KDM6B: variants seen among roughly 807,000 people sequenced by gnomAD.
The protein encoded by KDM6B is lysine-specific demethylase 6B.
In KDM6B, 22 loss-of-function variants were observed where a neutral mutation model predicts 150.4. The observed-to-expected ratio is 0.15, with a 90% confidence interval of 0.10 to 0.21. The LOEUF is 0.21. Ranked by LOEUF, KDM6B falls within the 10% of genes least tolerant of loss-of-function variation. The pLI is 1.00. For missense variants in KDM6B, 1,984 were observed against 2,234.3 expected (o/e 0.89, Z 2.26); for synonymous variants, 1,148 against 921.1 (o/e 1.25, Z -4.46).
chr17:7,836,707 G>A (rs1188535874), intron 1 of KDM6B, among the ~76,000 whole-genome samples: 1 of 152,252 alleles, frequency 6.6e-6, no homozygotes, highest in Non-Finnish European at 1.5e-5. Flanking sequence ...GTCGTATTAG[G>A]GGTAAAAGAG....
rs576964494 is a variant in KDM6B, at chr17:7,847,574, C to T, written c.1286C>T (p.Ala429Val). ...IPGADHYQTP[A>V]LEVSHHGRLG... Reference sequence around the variant, plus strand: ...GGCGCTGACCATTACCAAACTCCCGCGCTGGAGGTCTCTCACCATGGCCGC... The same window carrying T: ...GGCGCTGACCATTACCAAACTCCCGTGCTGGAGGTCTCTCACCATGGCCGC... The change falls in exon 12 of 24, where the codon GCG (alanine) becomes GTG (valine). Residue 429 changes from alanine (A) to valine (V), a missense_variant. By Grantham distance (64) the Ala-to-Val change is moderately conservative (BLOSUM62 0). Transcript: ENST00000448097. 35 of 1,613,374 alleles carry T rather than the reference C, an allele frequency of 2.2e-5. No homozygotes were observed. The highest frequency in any genetic ancestry group is 6.7e-5 in the Admixed American group (4 of 60,004).
rs1003929879 is a variant in KDM6B, at chr17:7,848,804, C to T, written c.2516C>T (p.Pro839Leu). 1.9e-6 allele frequency: 3 copies of T among 1,612,690 alleles called. No homozygotes were observed. In the African/African-American group the frequency reaches 4.0e-5, roughly 22 times the overall value. ...CCCTTGCCCACCACTCAGTATTCCC[C>T]TGGCCCCCCATCAGGTGCTACCGCC... ...PGPLPTTQYS[P>L]GPPSGATALP... Residue 839 changes from proline (P) to leucine (L), a missense_variant, in exon 12 of 24, where the codon CCT becomes CTT. Coordinates refer to ENST00000448097, the MANE Select transcript of KDM6B (RefSeq NM_001348716.2).
At position 7,853,481 on chromosome 17, in the gene KDM6B, C is replaced by T. The variant is rs1265146724; in HGVS notation, c.4909-17C>T. On this transcript the variant is annotated splice_polypyrimidine_tract_variant and intron_variant, in intron 23 of 23. Coordinates refer to ENST00000448097, the MANE Select transcript of KDM6B (RefSeq NM_001348716.2). Reference sequence around the variant, plus strand: ...GCCGCGCCTTTCCCTGAGCCCCCGCCGGCTTTCTCCCCCCAGGCCCCAGCC... The same window carrying T: ...GCCGCGCCTTTCCCTGAGCCCCCGCTGGCTTTCTCCCCCCAGGCCCCAGCC... 1.0e-5 allele frequency: 15 copies of T among 1,503,614 alleles called. No homozygotes were observed. In the East Asian group the frequency reaches 1.8e-4, roughly 18 times the overall value. 93.1% of individuals were successfully genotyped at this position (1,503,614 alleles called of 1,614,324 possible).
At chr17:7,837,057 G>A (rs1402713500) in intron 1 of KDM6B, among the ~76,000 whole-genome samples, 2 of 152,212 alleles carry the variant, frequency 1.3e-5, no homozygotes, top group Admixed American at 6.5e-5. Context: ...GGGCACGGGT[G>A]TGGTGTGGCT....
At position 7,848,298 on chromosome 17, in the gene KDM6B, C is replaced by A. The variant is rs748928457; in HGVS notation, c.2010C>A (p.Leu670=). ...VGELPARGPR[L]FDFPPTPLED... ...AGCTGCCTGCCCGAGGCCCTCGACTCTTTGATTTTCCCCCCACTCCGCTGG... is the reference window on the plus strand; with the variant it reads ...AGCTGCCTGCCCGAGGCCCTCGACTATTTGATTTTCCCCCCACTCCGCTGG... The change falls in exon 12 of 24, where the codon CTC becomes CTA. Residue 670 remains leucine, a synonymous_variant. Coordinates refer to ENST00000448097, the MANE Select transcript of KDM6B (RefSeq NM_001348716.2). The A allele has an allele frequency of 1.9e-6, 3 of 1,612,610 alleles. No homozygotes were observed. Among genetic ancestry groups the A allele is most frequent in the African/African-American group, 1.3e-5 (1 of 74,962 alleles).
intron 10 of KDM6B, 31 bp downstream of exon 10, chr17:7,847,047 C>G (rs753778409): frequency 1.2e-6 from 2 of 1,611,168 alleles, no homozygotes; most frequent in Non-Finnish European, 1.7e-6. Context: ...TTTCACCTCT[C>G]ACCTACAAGT....
At position 7,851,808 on chromosome 17, in the gene KDM6B, G is replaced by T; in HGVS notation, c.4165+12G>T. 1 of 1,555,920 alleles carries T rather than the reference G, an allele frequency of 6.4e-7. No homozygotes were observed. Among genetic ancestry groups the T allele is most frequent in the East Asian group, 2.4e-5 (1 of 41,254 alleles). ...CAGCCGAACGCCAGGTGCGCTCCAC[G>T]CCTGTGCGCGCTGATGCTGGAAGCG... On this transcript the variant is annotated intron_variant, in intron 18 of 23. Transcript: ENST00000448097.
In KDM6B at chr17:7,848,726, G is replaced by C; in HGVS notation, c.2438G>C (p.Gly813Ala). Residue 813 changes from glycine to alanine, a missense_variant, in exon 12 of 24, where the codon GGA becomes GCA. Around this residue, in one of 13 missense-constraint regions of KDM6B, gnomAD observed 1,379 missense variants for 1,275.6 expected, o/e 1.08. Coordinates refer to ENST00000448097, the MANE Select transcript of KDM6B (RefSeq NM_001348716.2). ...AAATCCTTGGCCTCCGTGCTGGAGG[G>C]ACAAAAGTACTGTTATCGGGGGACT... ...LLKSLASVLE[G>A]QKYCYRGTGA... 6.2e-7 allele frequency: 1 copy of C among 1,612,888 alleles called. No individual in the cohort carries two copies. The highest frequency in any genetic ancestry group is 1.3e-5 in the African/African-American group (1 of 74,976).
chr17:7,848,834 C>T lies in KDM6B; in HGVS notation c.2546C>T (p.Pro849Leu), dbSNP rs376654821. 1.7e-5 allele frequency: 27 copies of T among 1,612,410 alleles called. No homozygotes were observed. Among genetic ancestry groups the T allele is most frequent in the African/African-American group, 6.7e-5 (5 of 74,932 alleles). ...CCCCCATCAGGTGCTACCGCCCTGC[C>T]GCCCACCTCAGCGGCCCCTAGCGCC... The part of the protein sequence containing the change: ...PGPPSGATAL[P>L]PTSAAPSAQG... Residue 849 changes from proline (P) to leucine (L), a missense_variant, in exon 12 of 24, where the codon CCG becomes CTG. Physicochemically the swap from Pro to Leu is moderately conservative, Grantham distance 98. Coordinates refer to ENST00000448097, the MANE Select transcript of KDM6B (RefSeq NM_001348716.2).
rs978797282 is a variant in KDM6B, at chr17:7,844,979, G to T, written c.-190G>T. On this transcript the variant is annotated 5_prime_UTR_variant, in exon 3 of 24. Coordinates refer to ENST00000448097, the MANE Select transcript of KDM6B (RefSeq NM_001348716.2). This position sits in a 1 kb window ranked among gnomAD's most constrained non-coding sequence, Gnocchi z 5.9. The stretch of plus-strand genomic sequence containing the variant: ...AGTCCTGTGATTGGCCAGATCTCTG[G>T]AGCTTGCCGACGCGGTGTGAGGACG... 40 of 184,842 alleles carry T rather than the reference G, an allele frequency of 2.2e-4. No individual in the cohort carries two copies. The highest frequency in any genetic ancestry group is 4.7e-4 in the Non-Finnish European group (40 of 84,860). The allele number at this position is 184,842 out of a possible 1,614,324, so 11.5% of individuals were successfully genotyped here.
intron 2 of KDM6B, among the ~76,000 whole-genome samples, chr17:7,841,988 C>A (rs909132190): frequency 6.6e-6 from 1 of 152,178 alleles, no homozygotes; most frequent in Non-Finnish European, 1.5e-5. Flanking sequence ...GACGAGGGTC[C>A]TGGACCGCCC....
rs1386717298 is a variant in KDM6B, at chr17:7,848,220, A to T, written c.1932A>T (p.Pro644=). 1.9e-6 allele frequency: 3 copies of T among 1,603,164 alleles called. No individual in the cohort carries two copies. Among genetic ancestry groups the T allele is most frequent in the Non-Finnish European group, 2.6e-6 (3 of 1,172,468 alleles). Residue 644 remains proline (P), a synonymous_variant, in exon 12 of 24, where the codon CCA becomes CCT. Coordinates refer to ENST00000448097, the MANE Select transcript of KDM6B (RefSeq NM_001348716.2). ...AGACCCCCGAGGTGGGGCCGGGGCC[A>T]CCCCCAGGCCCCCTGAGTAAAGCCC... The part of the protein sequence containing the change: ...FPKTPEVGPG[P]PPGPLSKAPQ...
chr17:7,836,733 TTTC>T (rs1294408934), intron 1 of KDM6B, among the ~76,000 whole-genome samples: 8 of 152,218 alleles, frequency 5.3e-5, no homozygotes, highest in Non-Finnish European at 7.3e-5. Flanking sequence ...GACGCCTGGG[TTTC>T]TTCTTATGTC....
chr17:7,852,661 C>T lies in KDM6B; in HGVS notation c.4610+25C>T, dbSNP rs2078721579. 5 of 1,613,588 alleles carry T rather than the reference C, an allele frequency of 3.1e-6. No individual in the cohort carries two copies. In the African/African-American group the frequency reaches 4.0e-5, roughly 13 times the overall value. ...AGTGAGGACCCTATTTGGGTGGGAG[C>T]CCACCTCCACTGACTGGTCCCTTTT... On this transcript the variant is annotated intron_variant, in intron 21 of 23. Coordinates refer to ENST00000448097, the MANE Select transcript of KDM6B (RefSeq NM_001348716.2).
Position 7,848,773 on chromosome 17 carries a change from C to G in KDM6B, c.2485C>G (p.Pro829Ala). ...GACTGGAGCAGCTGTTTCCACCCGG[C>G]CTGGGCCCTTGCCCACCACTCAGTA... ...RGTGAAVSTRPGPLPTTQYSP... is the reference protein window; with the variant it reads ...RGTGAAVSTRAGPLPTTQYSP... Residue 829 changes from proline to alanine, a missense_variant, in exon 12 of 24, where the codon CCT becomes GCT. Around this residue, in one of 13 missense-constraint regions of KDM6B, gnomAD observed 1,379 missense variants for 1,275.6 expected, o/e 1.08. Coordinates refer to ENST00000448097, the MANE Select transcript of KDM6B (RefSeq NM_001348716.2). The G allele has an allele frequency of 6.2e-7, 1 of 1,612,866 alleles. No homozygotes were observed. Among genetic ancestry groups the G allele is most frequent in the South Asian group, 1.1e-5 (1 of 91,086 alleles).
At chr17:7,852,761 G>C (rs989576522) in intron 21 of KDM6B, 125 bp downstream of exon 21, 1 of 1,417,020 alleles carries the variant, frequency 7.1e-7, no homozygotes, top group Non-Finnish European at 9.9e-7. Context: ...GAGTGTTACT[G>C]TGTTGGGGAG....
intron 14 of KDM6B, 38 bp from the exon 15 acceptor site, chr17:7,850,977 TCCTCTG>T (rs146364592): frequency 0.083 from 126,615 of 1,528,654 alleles, 7,538 homozygotes; most frequent in East Asian, 0.36. Flanking sequence ...TCGGTCCCTA[TCCTCTG>T]CCTCTGCCCC....
At chr17:7,845,794 G>T in intron 5 of KDM6B, 78 bp from the exon 6 acceptor site, 1 of 1,591,944 alleles carries the variant, frequency 6.3e-7, no homozygotes, top group South Asian at 1.1e-5. Flanking sequence ...GTGGGCTTCC[G>T]TGCATCAGCC....
Position 7,844,679 on chromosome 17 carries a change from C to T in KDM6B, c.-268-222C>T, listed in dbSNP as rs1206713691. Among the ~76,000 whole-genome samples the T allele has an allele frequency of 1.3e-5, 2 of 152,216 alleles. No individual in the cohort carries two copies. Among genetic ancestry groups the T allele is most frequent in the African/African-American group, 4.8e-5 (2 of 41,450 alleles). On this transcript the variant is annotated intron_variant, in intron 2 of 23. Coordinates refer to ENST00000448097, the MANE Select transcript of KDM6B (RefSeq NM_001348716.2). The surrounding 1 kb of genome is among the most constrained non-coding windows in gnomAD (Gnocchi z 5.9). ...TTGCGGGTAGCGCCGGCCCCCACGC[C>T]GGCCGGAGCATGCGACTAACCGGCC...
Sources: allele counts gnomAD v4.1 joint callset (sites outside exome capture counted in the v4.1 genomes callset), GRCh38; gene constraint gnomAD v4.1.1; regional missense constraint gnomAD v4.1.1; non-coding constraint Gnocchi (gnomAD v3.1); transcripts MANE v1.5; gene names NCBI Gene and HGNC (gene_info 2026-07-23, HGNC 2026-07-21).